The following CD14 variants were observed in gnomAD, a reference collection of about 807,000 sequenced individuals.
CD14 encodes monocyte differentiation antigen CD14.
CD14 carries 4 observed loss-of-function variants against 2.5 expected under a neutral mutation model. The observed-to-expected ratio is 1.63, with a 90% confidence interval of 0.80 to 3.72. CD14 has a LOEUF of 3.72. CD14 is among the 30% of genes most tolerant of loss of function. The pLI, the probability that CD14 is intolerant of heterozygous loss-of-function variation, is 0.01. For synonymous variants in CD14, 236 were observed against 235.1 expected, an observed-to-expected ratio of 1.00 and a Z score of -0.04; for missense variants, 478 against 497.8, an observed-to-expected ratio of 0.96 and a Z score of 0.38.
In CD14 at chr5:140,632,747, C is replaced by T. The variant is rs199667450; in HGVS notation, c.237G>A (p.Pro79=). The T allele has an allele frequency of 2.1e-5, 34 of 1,613,360 alleles. No individual in the cohort carries two copies. The highest frequency in any genetic ancestry group is 2.7e-5 in the Non-Finnish European group (32 of 1,179,970). ...CCTTGACCGTGTCAGCATACTGCCG[C>T]GGGTCGGCGTCCGCATCGACGCGCT... ...FLKRVDADAD[P]RQYADTVKAL... is the part of the protein sequence containing the mutation. The change falls in exon 2 of 2, where the codon CCG becomes CCA. Residue 79 remains proline, a synonymous_variant. Transcript: ENST00000302014. This position sits in a 1 kb window ranked among gnomAD's most constrained non-coding sequence, Gnocchi z 6.2.
At position 140,632,239 on chromosome 5, in the gene CD14, C is replaced by T; in HGVS notation, c.745G>A (p.Val249Met). 2 of 1,613,538 alleles carry T rather than the reference C, an allele frequency of 1.2e-6. No individual in the cohort carries two copies. Among genetic ancestry groups the T allele is most frequent in the Non-Finnish European group, 1.7e-6 (2 of 1,180,006 alleles). Residue 249 changes from valine to methionine, a missense_variant, in exon 2 of 2, where the codon GTG becomes ATG. Coordinates refer to ENST00000302014, the MANE Select transcript of CD14 (RefSeq NM_000591.4). The surrounding 1 kb of genome is among the most constrained non-coding windows in gnomAD (Gnocchi z 6.2). ...CTGAGGTCTAGGCTGTGGGGCTGCACACCTGCCGCCGCCAGTGCGGCGCAC... is the reference window on the plus strand; with the variant it reads ...CTGAGGTCTAGGCTGTGGGGCTGCATACCTGCCGCCGCCAGTGCGGCGCAC... ...GVCAALAAAG[V>M]QPHSLDLSHN...
Position 140,632,394 on chromosome 5 carries a change from G to T in CD14, c.590C>A (p.Thr197Asn), listed in dbSNP as rs373038511. ...CEQVRAFPAL[T>N]SLDLSDNPGL... is the part of the protein sequence containing the mutation. The stretch of plus-strand genomic sequence containing the variant: ...AGGATTGTCAGACAGGTCTAGGCTG[G>T]TAAGGGCCGGGAAGGCGCGAACCTG... Residue 197 changes from threonine (T) to asparagine (N), a missense_variant, in exon 2 of 2, where the codon ACC (threonine) becomes AAC (asparagine). Coordinates refer to ENST00000302014, the MANE Select transcript of CD14 (RefSeq NM_000591.4). The surrounding 1 kb of genome is among the most constrained non-coding windows in gnomAD (Gnocchi z 6.2). 90 of 1,614,066 alleles carry T rather than the reference G, an allele frequency of 5.6e-5. No homozygotes were observed. In the South Asian group the frequency reaches 9.8e-4, roughly 18 times the overall value.
rs754968319 is a variant in CD14 at position 140,632,098 on chromosome 5, G to A, written c.886C>T (p.Pro296Ser). The change falls in exon 2 of 2, where the codon CCA becomes TCA. Residue 296 changes from proline (P) to serine (S), a missense_variant. By Grantham distance (74) the Pro-to-Ser change is moderately conservative (BLOSUM62 -1). Coordinates refer to ENST00000302014, the MANE Select transcript of CD14 (RefSeq NM_000591.4). The surrounding 1 kb of genome is among the most constrained non-coding windows in gnomAD (Gnocchi z 6.2). ...AGLEQVPKGLPAKLRVLDLSC... is the reference protein window; with the variant it reads ...AGLEQVPKGLSAKLRVLDLSC... ...AGATCGAGCACTCTGAGCTTGGCTG[G>A]CAGTCCTTTAGGCACCTGTTCCAGC... 5.6e-6 allele frequency: 9 copies of A among 1,614,206 alleles called. No homozygotes were observed. The highest frequency in any genetic ancestry group is 7.6e-6 in the Non-Finnish European group (9 of 1,180,038).
rs1174800152 is a variant in CD14 at position 140,632,204 on chromosome 5, C to G, written c.780G>C (p.Ser260=). The G allele has an allele frequency of 1.2e-6, 2 of 1,613,348 alleles. No individual in the cohort carries two copies. Among genetic ancestry groups the G allele is most frequent in the African/African-American group, 2.7e-5 (2 of 74,926 alleles). ...CGCTAGGGTTTACGGTGGCGCGCAG[C>G]GAGTTGTGGCTGAGGTCTAGGCTGT... is the stretch of plus-strand genomic sequence containing the variant. ...QPHSLDLSHN[S]LRATVNPSAP... The change falls in exon 2 of 2, where the codon TCG becomes TCC. Residue 260 remains serine, a synonymous_variant. Coordinates refer to ENST00000302014, the MANE Select transcript of CD14 (RefSeq NM_000591.4). This position sits in a 1 kb window ranked among gnomAD's most constrained non-coding sequence, Gnocchi z 6.2.
Position 140,632,441 on chromosome 5 carries a change from G to GT in CD14, c.542dup (p.His181GlnfsTer23), listed in dbSNP as rs1250171210. 6.2e-7 allele frequency: 1 copy of GT among 1,614,118 alleles called. No individual in the cohort carries two copies. The highest frequency in any genetic ancestry group is 8.5e-7 in the Non-Finnish European group (1 of 1,180,058). On this transcript the variant is annotated frameshift_variant, in exon 2 of 2. Coordinates refer to ENST00000302014, the MANE Select transcript of CD14 (RefSeq NM_000591.4). LOFTEE classifies it low-confidence loss of function (END_TRUNC). This position sits in a 1 kb window ranked among gnomAD's most constrained non-coding sequence, Gnocchi z 6.2. Reference sequence around the variant, plus strand: ...CCTGTTCGCAGGAAAAGGCAGGCGAGTGTGCTTGGGCAATGCTCAGTACCT... The same window carrying GT: ...CCTGTTCGCAGGAAAAGGCAGGCGAGTTGTGCTTGGGCAATGCTCAGTACCT...
rs375259300 is a variant in CD14 at position 140,631,830 on chromosome 5, G to C, written c.*26C>G. ...CTCCCCTGAAGCCAAGGCAGTTTGA[G>C]TCCATTCATTATTCTGTCTTGGATC... On this transcript the variant is annotated 3_prime_UTR_variant, in exon 2 of 2. Transcript: ENST00000302014. The C allele has an allele frequency of 6.6e-7, 1 of 1,520,242 alleles. No homozygotes were observed. The highest frequency in any genetic ancestry group is 2.1e-5 in the Admixed American group (1 of 46,718). 94.2% of individuals were successfully genotyped at this position (1,520,242 alleles called of 1,614,324 possible).
rs1016114528 is a variant in CD14, at chr5:140,631,870, G to C, written c.1114C>G (p.Arg372Gly). ...TGTCTTGGATCTTAGGCAAAGCCCCGGGCCCCTTGGAGCAGCACCAGGGTT... is the reference window on the plus strand; with the variant it reads ...TGTCTTGGATCTTAGGCAAAGCCCCCGGCCCCTTGGAGCAGCACCAGGGTT... ...SGTLVLLQGA[R>G]GFA The change falls in exon 2 of 2, where the codon CGG (arginine) becomes GGG (glycine). Residue 372 changes from arginine to glycine, a missense_variant. Physicochemically the swap from Arg to Gly is moderately radical, Grantham distance 125 (BLOSUM62 -2). Transcript: ENST00000302014. The C allele has an allele frequency of 1.3e-6, 2 of 1,563,202 alleles. No individual in the cohort carries two copies. The highest frequency in any genetic ancestry group is 4.5e-5 in the East Asian group (2 of 44,206).
chr5:140,633,305 C>T (rs1460757592), upstream of CD14: 2 of 623,754 alleles, frequency 3.2e-6, no homozygotes, highest in South Asian at 1.8e-5. Context: ...GGAAATATTG[C>T]AATGAAGGAT....
Position 140,632,300 on chromosome 5 carries a change from C to T in CD14, c.684G>A (p.Ala228=), listed in dbSNP as rs760585833. 1.9e-6 allele frequency: 3 copies of T among 1,613,850 alleles called. No homozygotes were observed. Among genetic ancestry groups the T allele is most frequent in the Non-Finnish European group, 1.7e-6 (2 of 1,180,050 alleles). The part of the protein sequence containing the change: ...PHKFPAIQNL[A]LRNTGMETPT... ...GCGTCTCCATTCCTGTGTTGCGCAGCGCTAGATTCTGGATGGCCGGGAACT... is the reference window on the plus strand; with the variant it reads ...GCGTCTCCATTCCTGTGTTGCGCAGTGCTAGATTCTGGATGGCCGGGAACT... The change falls in exon 2 of 2, where the codon GCG becomes GCA. Residue 228 remains alanine (A), a synonymous_variant. Transcript: ENST00000302014. The surrounding 1 kb of genome is among the most constrained non-coding windows in gnomAD (Gnocchi z 6.2).
rs766092462 is a variant in CD14 at position 140,633,075 on chromosome 5, C to T, written c.-4G>A. 135 of 1,613,998 alleles carry T rather than the reference C, an allele frequency of 8.4e-5. No individual in the cohort carries two copies. Among genetic ancestry groups the T allele is most frequent in the Non-Finnish European group, 1.1e-4 (133 of 1,179,996 alleles). On this transcript the variant is annotated 5_prime_UTR_variant, in exon 1 of 2. Coordinates refer to ENST00000302014, the MANE Select transcript of CD14 (RefSeq NM_000591.4). ...CCCAAGACCCTACACTCACCATGGT[C>T]GATAAGTCTTCCGAACCTCTGAGCT...
chr5:140,632,780 C>G lies in CD14; in HGVS notation c.204G>C (p.Pro68=). The G allele has an allele frequency of 1.2e-6, 2 of 1,613,550 alleles. No individual in the cohort carries two copies. The highest frequency in any genetic ancestry group is 1.7e-6 in the Non-Finnish European group (2 of 1,180,018). ...CGTCCGCATCGACGCGCTTTAGAAACGGCTCTAGGTTGAGACCGCCGGCAT... is the reference window on the plus strand; with the variant it reads ...CGTCCGCATCGACGCGCTTTAGAAAGGGCTCTAGGTTGAGACCGCCGGCAT... ...EIHAGGLNLE[P]FLKRVDADAD... The change falls in exon 2 of 2, where the codon CCG becomes CCC. Residue 68 remains proline (P), a synonymous_variant. Coordinates refer to ENST00000302014, the MANE Select transcript of CD14 (RefSeq NM_000591.4). The surrounding 1 kb of genome is among the most constrained non-coding windows in gnomAD (Gnocchi z 6.2).
chr5:140,632,192 G>A lies in CD14; in HGVS notation c.792C>T (p.Thr264=), dbSNP rs762609261. The change falls in exon 2 of 2, where the codon ACC becomes ACT. Residue 264 remains threonine (T), a synonymous_variant. Coordinates refer to ENST00000302014, the MANE Select transcript of CD14 (RefSeq NM_000591.4). This position sits in a 1 kb window ranked among gnomAD's most constrained non-coding sequence, Gnocchi z 6.2. ...TGCATCTCGGAGCGCTAGGGTTTAC[G>A]GTGGCGCGCAGCGAGTTGTGGCTGA... ...LDLSHNSLRA[T]VNPSAPRCMW... is the part of the protein sequence containing the mutation. 4.3e-6 allele frequency: 7 copies of A among 1,613,578 alleles called. No individual in the cohort carries two copies. In the East Asian group the frequency reaches 1.1e-4, roughly 26 times the overall value.
Position 140,632,175 on chromosome 5 carries a change from G to C in CD14, c.809C>G (p.Pro270Arg). 6.2e-7 allele frequency: 1 copy of C among 1,613,876 alleles called. No homozygotes were observed. The highest frequency in any genetic ancestry group is 1.1e-5 in the South Asian group (1 of 91,082). Residue 270 changes from proline to arginine, a missense_variant, in exon 2 of 2, where the codon CCG (proline) becomes CGG (arginine). Physicochemically the swap from Pro to Arg is moderately radical, Grantham distance 103. Transcript: ENST00000302014. The surrounding 1 kb of genome is among the most constrained non-coding windows in gnomAD (Gnocchi z 6.2). ...SLRATVNPSA[P>R]RCMWSSALNS... is the part of the protein sequence containing the mutation. Reference sequence around the variant, plus strand: ...CAGGGCGCTGGACCACATGCATCTCGGAGCGCTAGGGTTTACGGTGGCGCG... The same window carrying C: ...CAGGGCGCTGGACCACATGCATCTCCGAGCGCTAGGGTTTACGGTGGCGCG...
At chr5:140,633,186 G>C, upstream of CD14, 1 of 1,341,190 alleles carries the variant, frequency 7.5e-7, no homozygotes. Context: ...GAACTCTTCG[G>C]CTGCCTCTGA....
At position 140,631,890 on chromosome 5, in the gene CD14, A is replaced by G; in HGVS notation, c.1094T>C (p.Leu365Pro). 5.0e-6 allele frequency: 8 copies of G among 1,587,480 alleles called. No homozygotes were observed. The highest frequency in any genetic ancestry group is 5.2e-6 in the Non-Finnish European group (6 of 1,162,296). Reference sequence around the variant, plus strand: ...GCCCCGGGCCCCTTGGAGCAGCACCAGGGTTCCCGACACCCCCACCGACAG... The same window carrying G: ...GCCCCGGGCCCCTTGGAGCAGCACCGGGGTTCCCGACACCCCCACCGACAG... ...STLSVGVSGT[L>P]VLLQGARGFA Residue 365 changes from leucine (L) to proline (P), a missense_variant, in exon 2 of 2, where the codon CTG becomes CCG. Physicochemically the swap from Leu to Pro is moderately conservative, Grantham distance 98. Transcript: ENST00000302014.
At chr5:140,633,382 A>G, upstream of CD14, 2 of 522,650 alleles carry the variant, frequency 3.8e-6, no homozygotes, top group Non-Finnish European at 6.9e-6. Context: ...GTCTCCTGGC[A>G]GTGTCCTGAT....
chr5:140,632,267 G>C lies in CD14; in HGVS notation c.717C>G (p.Gly239=). Reference sequence around the variant, plus strand: ...CTGCCGCCGCCAGTGCGGCGCACACGCCTGTGGGCGTCTCCATTCCTGTGT... The same window carrying C: ...CTGCCGCCGCCAGTGCGGCGCACACCCCTGTGGGCGTCTCCATTCCTGTGT... ...LRNTGMETPT[G]VCAALAAAGV... is the part of the protein sequence containing the mutation. Residue 239 remains glycine (G), a synonymous_variant, in exon 2 of 2, where the codon GGC becomes GGG. Coordinates refer to ENST00000302014, the MANE Select transcript of CD14 (RefSeq NM_000591.4). This position sits in a 1 kb window ranked among gnomAD's most constrained non-coding sequence, Gnocchi z 6.2. 2 of 1,613,696 alleles carry C rather than the reference G, an allele frequency of 1.2e-6. No homozygotes were observed. The highest frequency in any genetic ancestry group is 1.6e-4 in the Middle Eastern group (1 of 6,062).
rs2228049 is a variant in CD14, at chr5:140,632,374, T to C, written c.610A>G (p.Asn204Asp). ...PALTSLDLSD[N>D]PGLGERGLMA... ...AGTCCGCGTTCGCCCAGTCCAGGAT[T>C]GTCAGACAGGTCTAGGCTGGTAAGG... Residue 204 changes from asparagine to aspartate, a missense_variant, in exon 2 of 2, where the codon AAT becomes GAT. Transcript: ENST00000302014. This position sits in a 1 kb window ranked among gnomAD's most constrained non-coding sequence, Gnocchi z 6.2. 1.9e-5 allele frequency: 30 copies of C among 1,614,152 alleles called. No homozygotes were observed. In the Admixed American group the frequency reaches 3.3e-4, roughly 18 times the overall value.
chr5:140,632,359 C>T lies in CD14; in HGVS notation c.625G>A (p.Glu209Lys), dbSNP rs777233725. 6.2e-7 allele frequency: 1 copy of T among 1,614,128 alleles called. No homozygotes were observed. The highest frequency in any genetic ancestry group is 8.5e-7 in the Non-Finnish European group (1 of 1,180,052). Residue 209 changes from glutamate (E) to lysine (K), a missense_variant, in exon 2 of 2, where the codon GAA becomes AAA. Glu to Lys is a moderately conservative substitution (Grantham distance 56). Coordinates refer to ENST00000302014, the MANE Select transcript of CD14 (RefSeq NM_000591.4). The surrounding 1 kb of genome is among the most constrained non-coding windows in gnomAD (Gnocchi z 6.2). ...CAGAGAGCCGCCATCAGTCCGCGTT[C>T]GCCCAGTCCAGGATTGTCAGACAGG... Reference protein sequence around the residue: ...LDLSDNPGLGERGLMAALCPH... With the variant: ...LDLSDNPGLGKRGLMAALCPH...
Sources: allele counts gnomAD v4.1 joint callset, GRCh38; gene constraint gnomAD v4.1.1; non-coding constraint Gnocchi (gnomAD v3.1); transcripts MANE v1.5; gene names NCBI Gene and HGNC (gene_info 2026-07-23, HGNC 2026-07-21).